The following PCDH10 variants were observed in gnomAD, a reference collection of about 807,000 sequenced individuals.
The protein encoded by PCDH10 is protocadherin-10.
Under a neutral mutation model 74.4 loss-of-function variants are expected in PCDH10, and 15 were observed. The observed-to-expected ratio is 0.20, with a 90% CI of 0.13 to 0.31. The LOEUF is 0.31. PCDH10 is among the 10% of genes least tolerant of loss of function. The pLI is 1.00. For missense variants in PCDH10, 1,260 were observed against 1,390.2 expected (o/e 0.91, Z 1.49); for synonymous variants, 619 against 589.8 (o/e 1.05, Z -0.72).
chr4:133,190,250 T>G lies in PCDH10; in HGVS notation c.*90T>G. 5.9e-4 allele frequency: 629 copies of G among 1,064,976 alleles called. No homozygotes were observed. Among genetic ancestry groups the G allele is most frequent in the Non-Finnish European group, 8.6e-4 (583 of 681,214 alleles). The allele number at this position is 1,064,976 out of a possible 1,614,324, so 66.0% of individuals were successfully genotyped here. On this transcript the variant is annotated 3_prime_UTR_variant, in exon 5 of 5. Coordinates refer to ENST00000264360, the MANE Select transcript of PCDH10 (RefSeq NM_032961.3). Reference sequence around the variant, plus strand: ...CTTTTCAACTTCATTATCTTGGCCATCCAGTTAGTCATGTGTAACTGAGTA... The same window carrying G: ...CTTTTCAACTTCATTATCTTGGCCAGCCAGTTAGTCATGTGTAACTGAGTA...
At chr4:133,170,356 T>C (rs541805494) in intron 4 of PCDH10, among the ~76,000 whole-genome samples, 5 of 152,232 alleles carry the variant, frequency 3.3e-5, no homozygotes, top group African/African-American at 1.2e-4. Flanking sequence ...TCTATATATA[T>C]ATACACTGTT....
intron 4 of PCDH10, among the ~76,000 whole-genome samples, chr4:133,167,088 C>A (rs1727097847): frequency 6.6e-6 from 1 of 151,300 alleles, no homozygotes; most frequent in African/African-American, 2.4e-5. Context: ...TTTTTGCCAA[C>A]TTGTTAATCT....
rs1468938469 is a variant in PCDH10 at position 133,191,660 on chromosome 4, A to G, written c.*1500A>G. ...CGAGAGAGGAAAAAAATCAGAGAAT[A>G]TAAGATAATCTTTCAAGCAAAAAAC... On this transcript the variant is annotated 3_prime_UTR_variant, in exon 5 of 5. Transcript: ENST00000264360. The G allele has an allele frequency of 1.3e-5, 2 of 151,918 alleles. No individual in the cohort carries two copies. The highest frequency in any genetic ancestry group is 3.0e-5 in the Non-Finnish European group (2 of 67,678). The allele number at this position is 151,918 out of a possible 1,614,324, so 9.4% of individuals were successfully genotyped here. A position where few individuals can be genotyped will look rare whatever the true frequency, so the allele number is the denominator to read the frequency against.
intron 2 of PCDH10, among the ~76,000 whole-genome samples, chr4:133,207,439 ATGAGC>A (rs1560720993): frequency 6.6e-6 from 1 of 152,188 alleles, no homozygotes; most frequent in Non-Finnish European, 1.5e-5. Flanking sequence ...CTGAGTGTTA[ATGAGC>A]TGATAATTAA....
intron 2 of PCDH10, among the ~76,000 whole-genome samples, chr4:133,204,071 T>A (rs563708915): frequency 6.6e-6 from 1 of 152,138 alleles, no homozygotes; most frequent in Non-Finnish European, 1.5e-5. Context: ...TATTTTTCCA[T>A]CAGTGCCTTG....
chr4:133,175,413 A>G (rs1727278541), intron 4 of PCDH10, among the ~76,000 whole-genome samples: 1 of 152,098 alleles, frequency 6.6e-6, no homozygotes, highest in South Asian at 2.1e-4. Flanking sequence ...TTCCAAGCAC[A>G]GTGGTCTTCA....
Position 133,151,868 on chromosome 4 carries a change from G to C in PCDH10, c.1728G>C (p.Ala576=), listed in dbSNP as rs376228322. 3.1e-6 allele frequency: 5 copies of C among 1,613,056 alleles called. No individual in the cohort carries two copies. The South Asian group carries it at 5.5e-5, about 18-fold the overall frequency. ...ATGACAACGCCCCTGCCATCGTGGC[G>C]CCTCTACCAGGGCGCAACGGGACTC... ...DQNDNAPAIV[A]PLPGRNGTPA... Residue 576 remains alanine, a synonymous_variant, in exon 1 of 5, where the codon GCG becomes GCC. Transcript: ENST00000264360.
In PCDH10 at chr4:133,151,962, G is replaced by C; in HGVS notation, c.1822G>C (p.Ala608Pro). 1 of 1,612,520 alleles carries C rather than the reference G, an allele frequency of 6.2e-7. No individual in the cohort carries two copies. The highest frequency in any genetic ancestry group is 8.5e-7 in the Non-Finnish European group (1 of 1,179,748). Residue 608 changes from alanine to proline, a missense_variant, in exon 1 of 5, where the codon GCG becomes CCG. By Grantham distance (27) the Ala-to-Pro change is conservative (BLOSUM62 -1). Transcript: ENST00000264360. Reference protein sequence around the residue: ...YLLTRVAAVDADDGENARLTY... With the variant: ...YLLTRVAAVDPDDGENARLTY... The stretch of plus-strand genomic sequence containing the variant: ...GCTCACCCGCGTGGCCGCCGTGGAC[G>C]CGGACGACGGCGAGAACGCCCGGCT...
intron 4 of PCDH10, among the ~76,000 whole-genome samples, chr4:133,177,747 A>G (rs142346175): frequency 2.0e-5 from 3 of 152,310 alleles, no homozygotes; most frequent in African/African-American, 4.8e-5. Context: ...TGCAATTGCC[A>G]TAGTCACCTG....
chr4:133,182,769 G>A (rs1727443273), intron 4 of PCDH10, among the ~76,000 whole-genome samples: 2 of 152,042 alleles, frequency 1.3e-5, no homozygotes, highest in African/African-American at 4.8e-5. Context: ...TTGTCAAATA[G>A]AGCCTGGTAT....
chr4:133,154,030 A>C (rs1726804519), intron 1 of PCDH10: 1 of 380,064 alleles, frequency 2.6e-6, no homozygotes, highest in African/African-American at 2.2e-5. Context: ...TCTAGCCATG[A>C]GGTCATTTGC....
Position 133,194,162 on chromosome 4 carries a change from A to T in PCDH10, c.*4002A>T, listed in dbSNP as rs932077609. 15 of 151,896 alleles carry T rather than the reference A, an allele frequency of 9.9e-5. No individual in the cohort carries two copies. The highest frequency in any genetic ancestry group is 1.3e-4 in the Admixed American group (2 of 15,228). The allele number at this position is 151,896 out of a possible 1,614,324, so 9.4% of individuals were successfully genotyped here. A position where few individuals can be genotyped will look rare whatever the true frequency, so the allele number is the denominator to read the frequency against. On this transcript the variant is annotated 3_prime_UTR_variant, in exon 5 of 5. Coordinates refer to ENST00000264360, the MANE Select transcript of PCDH10 (RefSeq NM_032961.3). Reference sequence around the variant, plus strand: ...TAAAATTCTAATACTTTTAGTGTGCATGCGTGTATTTCTAATCACTGTTAT... The same window carrying T: ...TAAAATTCTAATACTTTTAGTGTGCTTGCGTGTATTTCTAATCACTGTTAT...
chr4:133,197,558 T>C (rs1351563422), downstream of PCDH10, among the ~76,000 whole-genome samples: 1 of 152,180 alleles, frequency 6.6e-6, no homozygotes, highest in Non-Finnish European at 1.5e-5. Context: ...TTAACTGACA[T>C]TTCTAAGTAT....
At chr4:133,182,900 C>G (rs1040313513) in intron 4 of PCDH10, among the ~76,000 whole-genome samples, 2 of 151,922 alleles carry the variant, frequency 1.3e-5, no homozygotes, top group Admixed American at 1.3e-4. Context: ...AGTTGAAGAA[C>G]GTTTTACAAA....
downstream of PCDH10, among the ~76,000 whole-genome samples, chr4:133,197,224 G>A (rs1156252875): frequency 3.9e-5 from 6 of 152,118 alleles, no homozygotes; most frequent in East Asian, 1.2e-3. Flanking sequence ...GACCCCAATG[G>A]CCTTTCTGAA....
rs972498486 is a variant in PCDH10, at chr4:133,164,016, AG to A, written c.3103+736del. ...AAATAGACAAGTGTTATATGCTTAA[AG>A]GAATGGTCTTTTATTAGATGCATAC... On this transcript the variant is annotated intron_variant, in intron 4 of 4. Transcript: ENST00000264360. 1.3e-5 allele frequency: 6 copies of A among 456,022 alleles called. No individual in the cohort carries two copies. The East Asian group carries it at 3.5e-4, about 26-fold the overall frequency. 28.2% of individuals were successfully genotyped at this position (456,022 alleles called of 1,614,324 possible). A position where few individuals can be genotyped will look rare whatever the true frequency, so the allele number is the denominator to read the frequency against.
At chr4:133,204,214 G>A (rs1560720195) in intron 2 of PCDH10, among the ~76,000 whole-genome samples, 1 of 152,136 alleles carries the variant, frequency 6.6e-6, no homozygotes, top group East Asian at 1.9e-4. Context: ...CTCTTGTTAG[G>A]CAACCTGGGA....
rs370947882 is a variant in PCDH10 at position 133,151,068 on chromosome 4, C to T, written c.928C>T (p.Leu310=). The change falls in exon 1 of 5, where the codon CTG becomes TTG. Residue 310 remains leucine (L), a synonymous_variant. Coordinates refer to ENST00000264360, the MANE Select transcript of PCDH10 (RefSeq NM_032961.3). ...LFGLSPRTGR[L]EVSGELDYEE... is the part of the protein sequence containing the mutation. ...CGGACTCTCGCCGCGCACTGGCAGA[C>T]TGGAGGTAAGCGGCGAGTTGGACTA... 1 of 1,613,996 alleles carries T rather than the reference C, an allele frequency of 6.2e-7. No homozygotes were observed. Among genetic ancestry groups the T allele is most frequent in the Non-Finnish European group, 8.5e-7 (1 of 1,180,034 alleles).
At position 133,152,165 on chromosome 4, in the gene PCDH10, G is replaced by T. The variant is rs750286905; in HGVS notation, c.2025G>T (p.Val675=). Residue 675 remains valine (V), a synonymous_variant, in exon 1 of 5, where the codon GTG becomes GTT. Coordinates refer to ENST00000264360, the MANE Select transcript of PCDH10 (RefSeq NM_032961.3). The stretch of plus-strand genomic sequence containing the variant: ...CCCTTTCCTCCACCGCCACCCTGGT[G>T]GTTCAGCTGGTGGATGGCGCCGTGG... The part of the protein sequence containing the change: ...QPPLSSTATL[V]VQLVDGAVEP... 25 of 1,568,618 alleles carry T rather than the reference G, an allele frequency of 1.6e-5. No individual in the cohort carries two copies. The highest frequency in any genetic ancestry group is 4.1e-5 in the African/African-American group (3 of 73,896).
Sources: gnomAD v4.1 joint callset for allele counts (sites outside exome capture counted in the v4.1 genomes callset) on GRCh38, gnomAD v4.1.1 for gene constraint, MANE v1.5 for transcripts, NCBI Gene and HGNC (gene_info 2026-07-23, HGNC 2026-07-21) for gene names.